The following ADK variants were observed in gnomAD, a reference collection of about 807,000 sequenced individuals.
ADK encodes the protein adenosine kinase, also known as N6,N6-dimethyladenosine kinase.
A neutral mutation model predicts 44.7 loss-of-function variants in ADK; 24 were observed. The ratio of observed to expected loss-of-function variants is 0.54; its 90% CI spans 0.39 to 0.76. The LOEUF is 0.76. ADK is among the 30% of genes least tolerant of loss of function. The pLI is 0.00. For synonymous variants in ADK, 128 were observed against 142.6 expected, an observed-to-expected ratio of 0.90 and a Z score of 0.73; for missense variants, 321 against 425.1, an observed-to-expected ratio of 0.76 and a Z score of 2.15.
chr10:74,478,858 A>G (rs1421508953), intron 6 of ADK, among the ~76,000 whole-genome samples: 23 of 152,232 alleles, frequency 1.5e-4, no homozygotes, highest in Admixed American at 1.4e-3. Context: ...GATTGCTTAC[A>G]AAAGGATTCG....
rs140372056 is a variant in ADK at position 74,240,231 on chromosome 10, T to C, written c.194+15640T>C. Reference sequence around the variant, plus strand: ...GGTTTCGCCATGTTGTCCAGGCTGGTGCACAGCATTTTGTTGTTGATGTGT... The same window carrying C: ...GGTTTCGCCATGTTGTCCAGGCTGGCGCACAGCATTTTGTTGTTGATGTGT... On this transcript the variant is annotated intron_variant, in intron 3 of 10. Transcript: ENST00000539909. 3.4e-3 allele frequency among the ~76,000 whole-genome samples: 519 copies of C among 152,324 alleles called. 1 individual carries two copies. Among genetic ancestry groups the C allele is most frequent in the African/African-American group, 0.012 (481 of 41,584 alleles).
chr10:74,151,314 G>T lies in ADK; in HGVS notation c.36G>T (p.Lys12Asn). ...CTGAGGAGGAGCCGAAGCCCAAAAA[G>T]CTGAAGGTGGAGGCGCCGCAAGCGC... ...AAAEEEPKPK[K>N]LKVEAPQALR... The change falls in exon 1 of 11, where the codon AAG becomes AAT. Residue 12 changes from lysine (K) to asparagine (N), a missense_variant. Lys to Asn is a moderately conservative substitution (Grantham distance 94). Coordinates refer to ENST00000539909, the MANE Select transcript of ADK (RefSeq NM_006721.4). 1 of 1,549,672 alleles carries T rather than the reference G, an allele frequency of 6.5e-7. No individual in the cohort carries two copies.
chr10:74,160,676 TGCATGCAGGTAGGG>T (rs1841865904), intron 1 of ADK, among the ~76,000 whole-genome samples: 1 of 150,858 alleles, frequency 6.6e-6, no homozygotes, highest in Non-Finnish European at 1.5e-5. Context: ...GGTGTGTGCG[TGCATGCAGGTAGGG>T]GTGTGTGTGT....
intron 6 of ADK, among the ~76,000 whole-genome samples, chr10:74,448,775 T>C (rs1845672540): frequency 6.6e-6 from 1 of 152,156 alleles, no homozygotes; most frequent in Non-Finnish European, 1.5e-5. Context: ...CTCGCTTATA[T>C]ACAAGATGTA....
At chr10:74,396,453 G>A (rs886630317) in intron 5 of ADK, among the ~76,000 whole-genome samples, 3 of 152,146 alleles carry the variant, frequency 2.0e-5, no homozygotes, top group African/African-American at 7.2e-5. Context: ...AGGATTGCTT[G>A]AGCCCAGGAG....
chr10:74,162,130 C>T (rs1025199281), intron 1 of ADK, among the ~76,000 whole-genome samples: 1 of 152,100 alleles, frequency 6.6e-6, no homozygotes, highest in African/African-American at 2.4e-5. Flanking sequence ...AAGCGATTCT[C>T]CTGCCTCAGC....
chr10:74,428,925 A>G (rs1844889404), intron 6 of ADK, among the ~76,000 whole-genome samples: 1 of 152,208 alleles, frequency 6.6e-6, no homozygotes, highest in Admixed American at 6.5e-5. Flanking sequence ...TCATCTATGC[A>G]GTTTCTGGCC....
At chr10:74,203,148 A>G (rs1048921441) in intron 2 of ADK, among the ~76,000 whole-genome samples, 7 of 152,198 alleles carry the variant, frequency 4.6e-5, no homozygotes, top group Non-Finnish European at 7.3e-5. Flanking sequence ...TAAGGGTTCA[A>G]CTTTATTCTT....
At position 74,588,265 on chromosome 10, in the gene ADK, A is replaced by G. The variant is rs529552467; in HGVS notation, c.727-1017A>G. Among the ~76,000 whole-genome samples the G allele has an allele frequency of 2.0e-5, 3 of 152,282 alleles. No homozygotes were observed. The South Asian group carries it at 6.2e-4, about 32-fold the overall frequency. On this transcript the variant is annotated intron_variant, in intron 7 of 10. Coordinates refer to ENST00000539909, the MANE Select transcript of ADK (RefSeq NM_006721.4). The stretch of plus-strand genomic sequence containing the variant: ...AAGGACTTTTAAAATCAAACTGATA[A>G]TTCCTAATATTACCTAATTTTCATT...
At chr10:74,217,595 T>C (rs563673309) in intron 2 of ADK, among the ~76,000 whole-genome samples, 1 of 152,036 alleles carries the variant, frequency 6.6e-6, no homozygotes, top group African/African-American at 2.4e-5. Context: ...CCCTGACCCC[T>C]GAGCAGCCTA....
chr10:74,215,588 G>T (rs1031204540), intron 2 of ADK, among the ~76,000 whole-genome samples: 1 of 151,772 alleles, frequency 6.6e-6, no homozygotes, highest in Non-Finnish European at 1.5e-5. Context: ...GCCTCCCAAA[G>T]TGCTGGGATT....
chr10:74,332,629 T>A (rs1841259238), intron 4 of ADK, among the ~76,000 whole-genome samples: 1 of 152,166 alleles, frequency 6.6e-6, no homozygotes, highest in East Asian at 1.9e-4. Context: ...TTGAGAGTCA[T>A]CAGTAGTGAT....
At chr10:74,437,938 T>TA (rs932545880) in intron 6 of ADK, among the ~76,000 whole-genome samples, 2 of 152,176 alleles carry the variant, frequency 1.3e-5, no homozygotes, top group African/African-American at 4.8e-5. Context: ...CCTTCACTCT[T>TA]ACTCCTCCTT....
intron 4 of ADK, among the ~76,000 whole-genome samples, chr10:74,351,740 G>T (rs1357337296): frequency 6.6e-6 from 1 of 152,094 alleles, no homozygotes; most frequent in African/African-American, 2.4e-5. Context: ...AAATCAATAT[G>T]CAGAAATCAC....
At chr10:74,653,756 C>A (rs999538188) in intron 9 of ADK, among the ~76,000 whole-genome samples, 29 of 152,172 alleles carry the variant, frequency 1.9e-4, no homozygotes, top group Admixed American at 6.5e-5. Context: ...TCCAAGTAGA[C>A]AAGTAATCTG....
chr10:74,542,362 T>C (rs1849668320), intron 7 of ADK, among the ~76,000 whole-genome samples: 1 of 152,238 alleles, frequency 6.6e-6, no homozygotes, highest in African/African-American at 2.4e-5. Context: ...TTTGGAGCAA[T>C]TTGTTACACA....
At chr10:74,287,502 T>G (rs1351209999) in intron 3 of ADK, among the ~76,000 whole-genome samples, 5 of 151,542 alleles carry the variant, frequency 3.3e-5, no homozygotes, top group Non-Finnish European at 5.9e-5. Flanking sequence ...AAAACTAGAC[T>G]TAGGATTTAA....
chr10:74,681,813 GCA>G (rs1052087803), intron 10 of ADK, among the ~76,000 whole-genome samples: 2 of 143,872 alleles, frequency 1.4e-5, no homozygotes, highest in African/African-American at 5.2e-5. Context: ...TCACGCCACT[GCA>G]CTCCAGCCTG....
At chr10:74,707,822 C>G (rs1856660284) in intron 10 of ADK, among the ~76,000 whole-genome samples, 1 of 149,996 alleles carries the variant, frequency 6.7e-6, no homozygotes, top group African/African-American at 2.4e-5. Context: ...TGTGTCTCAA[C>G]TTGAGCTCTT....
Sources: gnomAD v4.1 joint callset for allele counts (sites outside exome capture counted in the v4.1 genomes callset) on GRCh38, gnomAD v4.1.1 for gene constraint, MANE v1.5 for transcripts, NCBI Gene and HGNC (gene_info 2026-07-23, HGNC 2026-07-21) for gene names.